HS6ST3: variants seen among roughly 807,000 people sequenced by gnomAD.
HS6ST3 encodes heparan sulfate 6-O-sulfotransferase 3.
Under a neutral mutation model 36.7 loss-of-function variants are expected in HS6ST3, and 12 were observed. The ratio of observed to expected loss-of-function variants is 0.33; its 90% CI spans 0.21 to 0.53. The LOEUF is 0.53. Among genes scored for constraint, HS6ST3 ranks in the 20% least tolerant of loss-of-function variants. The pLI, the probability that HS6ST3 is intolerant of heterozygous loss-of-function variation, is 0.95. For missense variants in HS6ST3, 584 were observed against 640.9 expected, an observed-to-expected ratio of 0.91 and a Z score of 0.96; for synonymous variants, 240 against 257.5, an observed-to-expected ratio of 0.93 and a Z score of 0.65.
intron 1 of HS6ST3, among the ~76,000 whole-genome samples, chr13:96,784,351 C>G (rs1369866596): frequency 6.6e-6 from 1 of 152,056 alleles, no homozygotes; most frequent in Non-Finnish European, 1.5e-5. Flanking sequence ...GGTCCTTGAG[C>G]TTTATAACTT....
intron 1 of HS6ST3, among the ~76,000 whole-genome samples, chr13:96,562,787 C>T (rs112687148): frequency 0.013 from 1,907 of 152,042 alleles, 29 homozygotes; most frequent in African/African-American, 0.042. Context: ...GGATTGGTGT[C>T]TGTCACCCAG....
chr13:96,736,267 GAGA>G (rs1191691745), intron 1 of HS6ST3, among the ~76,000 whole-genome samples: 14 of 152,180 alleles, frequency 9.2e-5, no homozygotes, highest in African/African-American at 3.1e-4. Flanking sequence ...GACCAACAAA[GAGA>G]AGAAGTCACA....
intron 1 of HS6ST3, among the ~76,000 whole-genome samples, chr13:96,658,268 C>CTTCTTTTTTTTTTTTTTGTTTT (rs1566422902): frequency 1.3e-5 from 1 of 76,190 alleles, no homozygotes; most frequent in Non-Finnish European, 2.4e-5. Flanking sequence ...TCTTCTTCTT[C>CTTCTTTTTTTTTTTTTTGTTTT]TTTTTTTTTT....
At chr13:96,494,508 G>A (rs1394420517) in intron 1 of HS6ST3, among the ~76,000 whole-genome samples, 10 of 150,756 alleles carry the variant, frequency 6.6e-5, no homozygotes, top group African/African-American at 2.2e-4. Flanking sequence ...TAACCTGCAC[G>A]TTGTGCACAT....
At chr13:96,292,351 A>G (rs570999283) in intron 1 of HS6ST3, among the ~76,000 whole-genome samples, 1 of 152,128 alleles carries the variant, frequency 6.6e-6, no homozygotes, top group South Asian at 2.1e-4. Flanking sequence ...TTATTTCACA[A>G]GGTAGGTTTT....
In HS6ST3 at chr13:96,710,730, C is replaced by A. The variant is rs201682612; in HGVS notation, c.708-121760C>A. Among the ~76,000 whole-genome samples, 3 of 152,186 alleles carry A rather than the reference C, an allele frequency of 2.0e-5. No individual in the cohort carries two copies. The East Asian group carries it at 5.8e-4, about 29-fold the overall frequency. On this transcript the variant is annotated intron_variant, in intron 1 of 1. Transcript: ENST00000376705. ...GTGTTGCCTCCTAGGCCACCTCCTGCCCCTCACAAATTCAAGCCAAGATGC... is the reference window on the plus strand; with the variant it reads ...GTGTTGCCTCCTAGGCCACCTCCTGACCCTCACAAATTCAAGCCAAGATGC...
At chr13:96,832,395 G>A in intron 1 of HS6ST3, 95 bp from the exon 2 acceptor site, 1 of 864,154 alleles carries the variant, frequency 1.2e-6, no homozygotes, top group East Asian at 2.7e-5. Flanking sequence ...TTGGCAAAGA[G>A]TCCCTTGACT....
chr13:96,234,724 G>A (rs2054526148), intron 1 of HS6ST3, among the ~76,000 whole-genome samples: 1 of 152,182 alleles, frequency 6.6e-6, no homozygotes, highest in East Asian at 1.9e-4. Flanking sequence ...ATGATACGTG[G>A]GAATTATGGG....
Position 96,779,769 on chromosome 13 carries a change from TAA to T in HS6ST3, c.708-52705_708-52704del, listed in dbSNP as rs35417653. Among the ~76,000 whole-genome samples the T allele has an allele frequency of 8.7e-3, 1,229 of 141,260 alleles. 12 individuals are homozygous for T. The highest frequency in any genetic ancestry group is 0.028 in the African/African-American group (1,095 of 39,140). 92.7% of individuals were successfully genotyped at this position (141,260 alleles called of 152,430 possible). The stretch of plus-strand genomic sequence containing the variant: ...CCAAGATTAAGCATGTATATTTACT[TAA>T]AAAAAAAAAAAAAAACATTGTTCTT... On this transcript the variant is annotated intron_variant, in intron 1 of 1. Transcript: ENST00000376705.
chr13:96,728,324 T>C (rs903072681), intron 1 of HS6ST3, among the ~76,000 whole-genome samples: 3 of 152,242 alleles, frequency 2.0e-5, no homozygotes, highest in Non-Finnish European at 1.5e-5. Flanking sequence ...ACCTAACTTA[T>C]GTTAGACTCA....
intron 1 of HS6ST3, among the ~76,000 whole-genome samples, chr13:96,156,695 T>C (rs1226300062): frequency 6.6e-6 from 1 of 152,206 alleles, no homozygotes; most frequent in Non-Finnish European, 1.5e-5. Flanking sequence ...GGTTTGTTTC[T>C]TGACTTCAGG....
intron 1 of HS6ST3, among the ~76,000 whole-genome samples, chr13:96,476,217 A>G (rs543214684): frequency 1.9e-4 from 28 of 151,334 alleles, no homozygotes; most frequent in Non-Finnish European, 3.7e-4. Flanking sequence ...CACTCCAAAA[A>G]CACTTCTTAA....
At chr13:96,496,951 C>T (rs1387934723) in intron 1 of HS6ST3, among the ~76,000 whole-genome samples, 1 of 152,062 alleles carries the variant, frequency 6.6e-6, no homozygotes, top group Non-Finnish European at 1.5e-5. Context: ...GGGTTGTGTG[C>T]TGCCCCGGTG....
chr13:96,114,559 C>A (rs2053884917), intron 1 of HS6ST3, among the ~76,000 whole-genome samples: 1 of 152,140 alleles, frequency 6.6e-6, no homozygotes, highest in Non-Finnish European at 1.5e-5. Flanking sequence ...AGGTAACTTA[C>A]CATTTTTTGT....
intron 1 of HS6ST3, among the ~76,000 whole-genome samples, chr13:96,299,758 G>A (rs572538796): frequency 1.1e-4 from 16 of 152,256 alleles, no homozygotes; most frequent in African/African-American, 3.1e-4. Context: ...TGACATTGGC[G>A]TTTTGAAGGA....
At chr13:96,345,908 C>T (rs2055151690) in intron 1 of HS6ST3, among the ~76,000 whole-genome samples, 1 of 152,238 alleles carries the variant, frequency 6.6e-6, no homozygotes, top group Admixed American at 6.5e-5. Context: ...TGTTGAGCCA[C>T]ATTCAAAGCT....
At chr13:96,553,380 G>T (rs970625531) in intron 1 of HS6ST3, among the ~76,000 whole-genome samples, 1 of 152,184 alleles carries the variant, frequency 6.6e-6, no homozygotes, top group Non-Finnish European at 1.5e-5. Context: ...AAAAGGATGC[G>T]AATAAGCCCA....
intron 1 of HS6ST3, among the ~76,000 whole-genome samples, chr13:96,312,300 A>G (rs1487297787): frequency 6.6e-6 from 1 of 152,164 alleles, no homozygotes; most frequent in African/African-American, 2.4e-5. Flanking sequence ...ATTATGAGTT[A>G]TTTATATATT....
intron 1 of HS6ST3, among the ~76,000 whole-genome samples, chr13:96,202,507 G>C (rs905978771): frequency 6.6e-6 from 1 of 152,092 alleles, no homozygotes; most frequent in African/African-American, 2.4e-5. Flanking sequence ...GTGGCTTCCT[G>C]CTCACTGCCC....
Sources: gnomAD v4.1 joint callset for allele counts (sites outside exome capture counted in the v4.1 genomes callset) on GRCh38, gnomAD v4.1.1 for gene constraint, MANE v1.5 for transcripts, NCBI Gene and HGNC (gene_info 2026-07-23, HGNC 2026-07-21) for gene names.